TENM2: variants seen among roughly 807,000 people sequenced by gnomAD.
The protein encoded by TENM2 is teneurin transmembrane protein 2.
Under a neutral mutation model 245.2 loss-of-function variants are expected in TENM2, and 52 were observed. That is an observed-to-expected ratio of 0.21 (90% CI 0.17 to 0.27). The LOEUF is 0.27. Ranked by LOEUF, TENM2 falls within the 10% of genes least tolerant of loss-of-function variation. The pLI is 1.00. For missense variants in TENM2, 3,046 were observed against 3,666.8 expected (o/e 0.83, Z 4.37); for synonymous variants, 1,363 against 1,438.9 (o/e 0.95, Z 1.19).
intron 13 of TENM2, among the ~76,000 whole-genome samples, chr5:168,185,740 T>C (rs925605367): frequency 1.3e-5 from 2 of 151,788 alleles, no homozygotes; most frequent in South Asian, 2.1e-4. Flanking sequence ...AAATTAAGTA[T>C]TTTTGCCAAG....
At chr5:167,117,537 C>T in the TENM2 span, among the ~76,000 whole-genome samples, 2 of 151,896 alleles carry the variant, frequency 1.3e-5, no homozygotes, top group Admixed American at 6.6e-5. Context: ...AGAAGCCTAA[C>T]CATAAAAACA....
At chr5:167,019,136 T>C in the TENM2 span, among the ~76,000 whole-genome samples, 1 of 125,746 alleles carries the variant, frequency 8.0e-6, no homozygotes, top group Non-Finnish European at 1.8e-5. Context: ...GAGATTTAGA[T>C]AAGGAATTTT....
intron 2 of TENM2, among the ~76,000 whole-genome samples, chr5:167,781,735 T>A (rs1764200099): frequency 6.6e-6 from 1 of 152,160 alleles, no homozygotes; most frequent in Non-Finnish European, 1.5e-5. Flanking sequence ...TCCTTAGAAT[T>A]AAAAGTTGGG....
intron 2 of TENM2, among the ~76,000 whole-genome samples, chr5:167,776,946 T>C (rs1763851033): frequency 6.6e-6 from 1 of 152,234 alleles, no homozygotes; most frequent in Non-Finnish European, 1.5e-5. Context: ...TGAATGTTTT[T>C]CAAAAGACTG....
rs561299939 is a variant in TENM2, at chr5:168,003,577, T to A, written c.1186+10395T>A. Among the ~76,000 whole-genome samples, 3 of 152,276 alleles carry A rather than the reference T, an allele frequency of 2.0e-5. No individual in the cohort carries two copies. In the East Asian group the frequency reaches 5.8e-4, roughly 29 times the overall value. On this transcript the variant is annotated intron_variant, in intron 5 of 28. Coordinates refer to ENST00000518659, the Ensembl canonical transcript of TENM2. Reference sequence around the variant, plus strand: ...TAGGAGGGGAAAATGGCACCCAGCATACCAAATTACAAATATCTTCTGCAC... The same window carrying A: ...TAGGAGGGGAAAATGGCACCCAGCAAACCAAATTACAAATATCTTCTGCAC...
At chr5:168,253,182 T>G (rs1175198599) in intron 27 of TENM2, among the ~76,000 whole-genome samples, 1 of 152,066 alleles carries the variant, frequency 6.6e-6, no homozygotes, top group East Asian at 2.0e-4. Context: ...TTAGCCAGGA[T>G]GTTCTCAATC....
the TENM2 span, among the ~76,000 whole-genome samples, chr5:167,148,115 C>A: frequency 5.3e-5 from 8 of 152,158 alleles, no homozygotes; most frequent in African/African-American, 1.9e-4. Context: ...TTATTGCAGC[C>A]TCTTACAAGT....
intron 5 of TENM2, among the ~76,000 whole-genome samples, chr5:168,007,509 C>T (rs1014828863): frequency 4.6e-5 from 7 of 152,214 alleles, no homozygotes; most frequent in South Asian, 4.2e-4. Context: ...TGCACCTTGG[C>T]GACCAAGGAG....
chr5:167,529,396 T>C (rs1013972244), intron 2 of TENM2, among the ~76,000 whole-genome samples: 2 of 152,210 alleles, frequency 1.3e-5, no homozygotes, highest in Non-Finnish European at 2.9e-5. Context: ...CCCTTGAACA[T>C]TCTGTAATAT....
the TENM2 span, among the ~76,000 whole-genome samples, chr5:167,080,845 A>T: frequency 6.6e-6 from 1 of 152,158 alleles, no homozygotes; most frequent in Non-Finnish European, 1.5e-5. Context: ...ATGCCAGTAT[A>T]GTTATATTAA....
upstream of TENM2, among the ~76,000 whole-genome samples, chr5:167,280,756 G>GTCTGTCTGTCTGTCTA (rs1424705114): frequency 2.1e-5 from 3 of 145,880 alleles, no homozygotes; most frequent in Admixed American, 6.8e-5. Flanking sequence ...CTATCTGTCT[G>GTCTGTCTGTCTGTCTA]TCTATCTATC....
chr5:167,518,502 T>C (rs1419451438), intron 2 of TENM2, among the ~76,000 whole-genome samples: 1 of 152,192 alleles, frequency 6.6e-6, no homozygotes, highest in Admixed American at 6.5e-5. Flanking sequence ...ATGTTTGTAA[T>C]TGTATATGGC....
At chr5:168,034,056 T>C (rs1258393992) in intron 5 of TENM2, among the ~76,000 whole-genome samples, 2 of 146,032 alleles carry the variant, frequency 1.4e-5, no homozygotes, top group African/African-American at 5.0e-5. Context: ...TGTGTATATA[T>C]ATATATATGT....
At chr5:167,845,239 CCACACA>C (rs55784312) in intron 2 of TENM2, among the ~76,000 whole-genome samples, 32,528 of 96,674 alleles carry the variant, frequency 0.34, 6,009 homozygotes, top group Non-Finnish European at 0.39. Context: ...CCCTCCCGCG[CCACACA>C]CACACACACA....
intron 2 of TENM2, among the ~76,000 whole-genome samples, chr5:167,866,672 G>C (rs1169742872): frequency 6.6e-6 from 1 of 152,092 alleles, no homozygotes; most frequent in African/African-American, 2.4e-5. Flanking sequence ...CTATACTATA[G>C]GCAATGGAAA....
chr5:168,256,485 G>A (rs62385592), intron 27 of TENM2, among the ~76,000 whole-genome samples: 7,199 of 150,902 alleles, frequency 0.048, 227 homozygotes, highest in South Asian at 0.086. Context: ...AAGTGCAATG[G>A]CACAATCTCA....
At chr5:168,075,809 G>T (rs1791415815) in intron 7 of TENM2, among the ~76,000 whole-genome samples, 1 of 152,202 alleles carries the variant, frequency 6.6e-6, no homozygotes, top group Non-Finnish European at 1.5e-5. Context: ...TCACAATCAT[G>T]GCAGAAGCCA....
intron 2 of TENM2, among the ~76,000 whole-genome samples, chr5:167,657,855 C>T (rs1057345200): frequency 6.6e-6 from 1 of 152,146 alleles, no homozygotes; most frequent in Non-Finnish European, 1.5e-5. Flanking sequence ...TTTGCCAGTC[C>T]CTGATCTAGC....
chr5:167,149,427 T>C, the TENM2 span, among the ~76,000 whole-genome samples: 1 of 151,750 alleles, frequency 6.6e-6, no homozygotes, highest in African/African-American at 2.4e-5. Flanking sequence ...TAATATTATG[T>C]GGAATATTTT....
Sources: gnomAD v4.1 joint callset for allele counts (sites outside exome capture counted in the v4.1 genomes callset) on GRCh38, gnomAD v4.1.1 for gene constraint, MANE v1.5 for transcripts, NCBI Gene and HGNC (gene_info 2026-07-23, HGNC 2026-07-21) for gene names.